GALNT1: variants seen among roughly 807,000 people sequenced by gnomAD.
The protein encoded by GALNT1 is GalNAc transferase 1.
GALNT1 carries 17 observed loss-of-function variants against 65.7 expected under a neutral mutation model. The observed-to-expected ratio is 0.26, with a 90% CI of 0.18 to 0.39. GALNT1 has a LOEUF of 0.39. GALNT1 is among the 10% of genes least tolerant of loss of function. The pLI is 1.00. For missense variants in GALNT1, 460 were observed against 672.8 expected, an observed-to-expected ratio of 0.68 and a Z score of 3.50; for synonymous variants, 210 against 219.7, an observed-to-expected ratio of 0.96 and a Z score of 0.39.
chr18:35,686,890 A>G (rs1016534195), intron 5 of GALNT1, 126 bp from the exon 6 acceptor site: 2 of 834,226 alleles, frequency 2.4e-6, no homozygotes, highest in African/African-American at 3.5e-5. Context: ...GGGTGGTGAC[A>G]GAGTAGTGAT....
chr18:35,587,578 T>G (rs766771629), intron 1 of GALNT1, among the ~76,000 whole-genome samples: 5 of 152,206 alleles, frequency 3.3e-5, no homozygotes, highest in Admixed American at 1.3e-4. Flanking sequence ...TTTATTGTGT[T>G]TTTTGTTCAT....
At chr18:35,649,396 G>T (rs72962584) in intron 1 of GALNT1, among the ~76,000 whole-genome samples, 1 of 152,028 alleles carries the variant, frequency 6.6e-6, no homozygotes, top group African/African-American at 2.4e-5. Flanking sequence ...TGGATTGTTT[G>T]TTTTCTTACT....
At chr18:35,690,415 G>A (rs2047942265) in intron 7 of GALNT1, among the ~76,000 whole-genome samples, 1 of 152,052 alleles carries the variant, frequency 6.6e-6, no homozygotes, top group African/African-American at 2.4e-5. Flanking sequence ...TTTTAACCAT[G>A]AGCCACATTA....
chr18:35,709,865 T>C lies in GALNT1; in HGVS notation c.*95T>C. ...TTCTTAAGTAGCAAAAAAGGAAAAG[T>C]GCTTTCCTCCTCTGCAGGATGTAAG... is the stretch of plus-strand genomic sequence containing the variant. On this transcript the variant is annotated 3_prime_UTR_variant, in exon 12 of 12. Transcript: ENST00000269195. The C allele has an allele frequency of 7.2e-7, 1 of 1,390,118 alleles. No individual in the cohort carries two copies. The highest frequency in any genetic ancestry group is 9.9e-7 in the Non-Finnish European group (1 of 1,014,064). The allele number at this position is 1,390,118 out of a possible 1,614,324, so 86.1% of individuals were successfully genotyped here. A position where few individuals can be genotyped will look rare whatever the true frequency, so the allele number is the denominator to read the frequency against.
chr18:35,678,331 T>C (rs1284095518), intron 4 of GALNT1, among the ~76,000 whole-genome samples: 1 of 144,642 alleles, frequency 6.9e-6, no homozygotes, highest in Non-Finnish European at 1.5e-5. Context: ...ATAGTAAATC[T>C]CTACAGACTC....
At position 35,679,993 on chromosome 18, in the gene GALNT1, G is replaced by A. The variant is rs140330922; in HGVS notation, c.481+2236G>A. Among the ~76,000 whole-genome samples the A allele has an allele frequency of 1.7e-3, 261 of 152,108 alleles. 3 individuals are homozygous for A. The highest frequency in any genetic ancestry group is 5.2e-3 in the African/African-American group (215 of 41,500). On this transcript the variant is annotated intron_variant, in intron 4 of 11. Coordinates refer to ENST00000269195, the MANE Select transcript of GALNT1 (RefSeq NM_020474.4). ...CTGTTCACCATGGTGCCTCCAGAGT[G>A]AGCTTTTTTAAAGCATGCAAATTTG...
intron 1 of GALNT1, among the ~76,000 whole-genome samples, chr18:35,626,541 A>G (rs1035414462): frequency 5.3e-5 from 8 of 152,188 alleles, no homozygotes; most frequent in African/African-American, 9.6e-5. Context: ...ATATAAATCA[A>G]TAATTATAGG....
intron 1 of GALNT1, among the ~76,000 whole-genome samples, chr18:35,641,854 C>T (rs911948282): frequency 5.9e-5 from 9 of 152,018 alleles, no homozygotes; most frequent in African/African-American, 1.4e-4. Flanking sequence ...GATCAGGGGT[C>T]GGTGTGATGA....
intron 1 of GALNT1, among the ~76,000 whole-genome samples, chr18:35,607,514 G>GT (rs1206173089): frequency 1.3e-5 from 2 of 152,232 alleles, no homozygotes; most frequent in East Asian, 3.9e-4. Context: ...GAGGCTTAGT[G>GT]TAAGAGTAAC....
chr18:35,659,963 G>A lies in GALNT1; in HGVS notation c.140-3665G>A, dbSNP rs138050904. 1.8e-4 allele frequency: 27 copies of A among 152,254 alleles called. No individual in the cohort carries two copies. The East Asian group carries it at 3.7e-3, about 21-fold the overall frequency. The allele number at this position is 152,254 out of a possible 1,614,324, so 9.4% of individuals were successfully genotyped here. A position where few individuals can be genotyped will look rare whatever the true frequency, so the allele number is the denominator to read the frequency against. On this transcript the variant is annotated intron_variant, in intron 2 of 11. Transcript: ENST00000269195. ...TGATATTTTGATGTTTAAAAAATCA[G>A]ATAGTGTACTGCATTTTATTGCATC... is the stretch of plus-strand genomic sequence containing the variant.
chr18:35,648,235 A>T (rs76700018), intron 1 of GALNT1, among the ~76,000 whole-genome samples: 1 of 152,220 alleles, frequency 6.6e-6, no homozygotes, highest in Non-Finnish European at 1.5e-5. Context: ...GTGTAAAACC[A>T]TCACAATTTA....
intron 3 of GALNT1, among the ~76,000 whole-genome samples, chr18:35,671,084 A>G (rs2047627894): frequency 6.6e-6 from 1 of 152,108 alleles, no homozygotes; most frequent in Non-Finnish European, 1.5e-5. Context: ...TTTTAGGTGT[A>G]TTTGTACTAG....
At chr18:35,628,963 A>T (rs2144175303) in intron 1 of GALNT1, among the ~76,000 whole-genome samples, 1 of 152,388 alleles carries the variant, frequency 6.6e-6, no homozygotes, top group South Asian at 2.1e-4. Context: ...AAGAAAGGGT[A>T]TCAGTGATGG....
intron 1 of GALNT1, chr18:35,591,860 TC>T (rs1219697738): frequency 6.5e-6 from 1 of 154,428 alleles, no homozygotes; most frequent in Non-Finnish European, 1.5e-5. Flanking sequence ...TCAGATGGTC[TC>T]GTCAATGGGT....
chr18:35,676,810 G>A (rs2047717600), intron 3 of GALNT1, among the ~76,000 whole-genome samples: 1 of 152,198 alleles, frequency 6.6e-6, no homozygotes, highest in African/African-American at 2.4e-5. Flanking sequence ...CTGTTATCTA[G>A]TAATTTCATC....
chr18:35,670,662 A>G (rs2047621773), intron 3 of GALNT1, among the ~76,000 whole-genome samples: 1 of 152,248 alleles, frequency 6.6e-6, no homozygotes, highest in African/African-American at 2.4e-5. Context: ...GTGACTGGAA[A>G]TGCAAAGACC....
intron 3 of GALNT1, among the ~76,000 whole-genome samples, chr18:35,674,705 G>A (rs916719373): frequency 1.3e-5 from 2 of 152,064 alleles, no homozygotes; most frequent in East Asian, 1.9e-4. Context: ...ATAAACTGGC[G>A]GAGTGCAGTG....
chr18:35,668,613 G>A (rs962264604), intron 3 of GALNT1, among the ~76,000 whole-genome samples: 6 of 152,088 alleles, frequency 3.9e-5, no homozygotes, highest in Admixed American at 2.6e-4. Context: ...GCCAGGGTCC[G>A]GTGGCAGGGG....
intron 11 of GALNT1, among the ~76,000 whole-genome samples, chr18:35,707,186 C>G (rs2048276885): frequency 6.6e-6 from 1 of 152,142 alleles, no homozygotes; most frequent in African/African-American, 2.4e-5. Flanking sequence ...TGTATCTGTC[C>G]TTTCTGGAAT....
Sources: gnomAD v4.1 joint callset for allele counts (sites outside exome capture counted in the v4.1 genomes callset) on GRCh38, gnomAD v4.1.1 for gene constraint, MANE v1.5 for transcripts, NCBI Gene and HGNC (gene_info 2026-07-23, HGNC 2026-07-21) for gene names.